The following RAP1GAP2 variants were observed in gnomAD, a reference collection of about 807,000 sequenced individuals.
The protein encoded by RAP1GAP2 is RAP1 GTPase activating protein 2, also known as rap1 GTPase-activating protein 2.
In RAP1GAP2, 27 loss-of-function variants were observed where a neutral mutation model predicts 95.0. That is an observed-to-expected ratio of 0.28 (90% CI 0.21 to 0.39). The LOEUF (loss-of-function observed/expected upper bound fraction) is 0.39. Ranked by LOEUF, RAP1GAP2 falls within the 10% of genes least tolerant of loss-of-function variation. RAP1GAP2 has a pLI of 1.00. For missense variants in RAP1GAP2, 771 were observed against 970.0 expected (o/e 0.79, Z 2.72); for synonymous variants, 373 against 380.9 (o/e 0.98, Z 0.24).
chr17:3,009,087 C>T (rs975089837), intron 17 of RAP1GAP2, among the ~76,000 whole-genome samples: 2 of 152,106 alleles, frequency 1.3e-5, no homozygotes, highest in African/African-American at 4.8e-5. Context: ...TAGGGCTACA[C>T]CCACCTCTAT....
Position 2,867,809 on chromosome 17 carries a change from T to G in RAP1GAP2, c.81-37475T>G, listed in dbSNP as rs2072676483. 6.6e-6 allele frequency among the ~76,000 whole-genome samples: 1 copy of G among 152,122 alleles called. No individual in the cohort carries two copies. The highest frequency in any genetic ancestry group is 2.4e-5 in the African/African-American group (1 of 41,422). On this transcript the variant is annotated intron_variant, in intron 2 of 24. Transcript: ENST00000254695. The surrounding 1 kb of genome is among the most constrained non-coding windows in gnomAD (Gnocchi z 4.5). The stretch of plus-strand genomic sequence containing the variant: ...GCCCTAGTGGCTTAGTTGATGCTGA[T>G]CTTGGCACGGTCTTGTCAACTTGGC...
chr17:2,893,473 G>T (rs1056835579), intron 2 of RAP1GAP2, among the ~76,000 whole-genome samples: 3 of 152,234 alleles, frequency 2.0e-5, no homozygotes, highest in Admixed American at 2.0e-4. Context: ...GGAAGTGAGG[G>T]TACATAGTTA....
chr17:2,977,185 G>C, intron 8 of RAP1GAP2, among the ~76,000 whole-genome samples: 1 of 151,764 alleles, frequency 6.6e-6, no homozygotes, highest in Non-Finnish European at 1.5e-5. Flanking sequence ...CAGTAAAGGT[G>C]AGGACGCAGT....
At chr17:2,769,642 T>C (rs974209619) in intron 1 of RAP1GAP2, among the ~76,000 whole-genome samples, 2 of 152,166 alleles carry the variant, frequency 1.3e-5, no homozygotes, top group African/African-American at 2.4e-5. Context: ...CTTAGCCCTG[T>C]AAAGGGGCTT....
upstream of RAP1GAP2, among the ~76,000 whole-genome samples, chr17:2,773,054 C>T (rs2068429027): frequency 6.6e-6 from 1 of 151,978 alleles, no homozygotes; most frequent in Admixed American, 6.6e-5. Flanking sequence ...TACAGGGTTT[C>T]ACTATGTTGG....
intron 19 of RAP1GAP2, among the ~76,000 whole-genome samples, chr17:3,024,203 A>G (rs1007834561): frequency 6.6e-6 from 1 of 152,058 alleles, no homozygotes; most frequent in Non-Finnish European, 1.5e-5. Flanking sequence ...GGAGGAGGGG[A>G]TGGAGTCTCT....
chr17:2,957,053 G>A (rs553593123), intron 3 of RAP1GAP2, among the ~76,000 whole-genome samples: 10 of 151,832 alleles, frequency 6.6e-5, no homozygotes, highest in African/African-American at 2.2e-4. Flanking sequence ...GCGTGAACCC[G>A]GGAGGCGGAG....
At position 2,885,028 on chromosome 17, in the gene RAP1GAP2, C is replaced by CTTTTTTTTTTTTTTT. The variant is rs891984333; in HGVS notation, c.81-20247_81-20233dup. ...ATAGGCACATTTCTTTTATTTCTTT[C>CTTTTTTTTTTTTTTT]TTTTTTTTTTTTTTTTTTTTTTTGA... On this transcript the variant is annotated intron_variant, in intron 2 of 24. Coordinates refer to ENST00000254695, the MANE Select transcript of RAP1GAP2 (RefSeq NM_015085.5). Among the ~76,000 whole-genome samples the CTTTTTTTTTTTTTTT allele has an allele frequency of 1.6e-4, 18 of 112,508 alleles. 1 individual carries two copies. Among genetic ancestry groups the CTTTTTTTTTTTTTTT allele is most frequent in the African/African-American group, 2.9e-4 (8 of 27,562 alleles). 73.8% of individuals were successfully genotyped at this position (112,508 alleles called of 152,430 possible). A position where few individuals can be genotyped will look rare whatever the true frequency, so the allele number is the denominator to read the frequency against.
At chr17:2,892,731 A>G (rs1048673157) in intron 2 of RAP1GAP2, among the ~76,000 whole-genome samples, 4 of 151,972 alleles carry the variant, frequency 2.6e-5, no homozygotes, top group African/African-American at 9.7e-5. Flanking sequence ...CTGTCCTGTG[A>G]CTCATTCCTG....
intron 10 of RAP1GAP2, among the ~76,000 whole-genome samples, chr17:2,984,492 A>G (rs1321555054): frequency 6.6e-6 from 1 of 152,186 alleles, no homozygotes; most frequent in Non-Finnish European, 1.5e-5. Flanking sequence ...GTATTAGGGT[A>G]TGTTCCTCCT....
At chr17:2,847,419 C>A (rs1484021403) in intron 2 of RAP1GAP2, among the ~76,000 whole-genome samples, 1 of 130,204 alleles carries the variant, frequency 7.7e-6, no homozygotes, top group African/African-American at 2.5e-5. Flanking sequence ...AGTCTTGCTA[C>A]CCAAAGCCCT....
intron 1 of RAP1GAP2, among the ~76,000 whole-genome samples, chr17:2,758,243 T>G (rs1380928866): frequency 1.3e-4 from 19 of 143,560 alleles, no homozygotes. Context: ...TGGTGTGATC[T>G]TGGCTTACTG....
intron 2 of RAP1GAP2, among the ~76,000 whole-genome samples, chr17:2,863,704 A>G (rs2072504332): frequency 6.6e-6 from 1 of 152,126 alleles, no homozygotes; most frequent in Admixed American, 6.5e-5. Context: ...AGAACCCCAT[A>G]AGGGAGGCAT....
intron 8 of RAP1GAP2, among the ~76,000 whole-genome samples, chr17:2,969,806 A>T (rs909355990): frequency 6.6e-6 from 1 of 151,640 alleles, no homozygotes; most frequent in Non-Finnish European, 1.5e-5. Flanking sequence ...GTCTGGCCTA[A>T]ATATATATAT....
chr17:2,797,183 G>T lies in RAP1GAP2; in HGVS notation c.44+612G>T, dbSNP rs1193995129. ...TCTTGGGGGTGGGTTGTGAGAGAAG[G>T]TCTCCCACCTGCACCCCAGGCAGCC... is the stretch of plus-strand genomic sequence containing the variant. On this transcript the variant is annotated intron_variant, in intron 1 of 24. Transcript: ENST00000254695. This position sits in a 1 kb window ranked among gnomAD's most constrained non-coding sequence, Gnocchi z 5.6. 6.6e-6 allele frequency among the ~76,000 whole-genome samples: 1 copy of T among 152,090 alleles called. No individual in the cohort carries two copies. The highest frequency in any genetic ancestry group is 1.9e-4 in the East Asian group (1 of 5,178).
Position 2,784,013 on chromosome 17 carries a change from C to A in RAP1GAP2, c.-14+6735C>A, listed in dbSNP as rs913270471. Among the ~76,000 whole-genome samples the A allele has an allele frequency of 1.3e-5, 2 of 152,150 alleles. 1 individual carries two copies. The highest frequency in any genetic ancestry group is 4.1e-4 in the South Asian group (2 of 4,830). On this transcript the variant is annotated intron_variant, in intron 1 of 24. Coordinates refer to the RAP1GAP2 transcript ENST00000540393. ...ATTGAGATGGAGTCTTGCTCTGTTG[C>A]CCAGGGTGGAATGCAGTGGCGCAAT... is the stretch of plus-strand genomic sequence containing the variant.
intron 8 of RAP1GAP2, among the ~76,000 whole-genome samples, chr17:2,978,347 C>T (rs1406374493): frequency 6.6e-6 from 1 of 152,082 alleles, no homozygotes; most frequent in Non-Finnish European, 1.5e-5. Flanking sequence ...GTGGCTTGAA[C>T]ACAGGCGGTG....
intron 2 of RAP1GAP2, among the ~76,000 whole-genome samples, chr17:2,809,548 C>T (rs1312344625): frequency 6.6e-6 from 1 of 152,202 alleles, no homozygotes; most frequent in Non-Finnish European, 1.5e-5. Context: ...TCATGAACCC[C>T]CAGGCCTCTG....
chr17:2,922,826 G>GTTTTTT (rs138075669), intron 3 of RAP1GAP2, among the ~76,000 whole-genome samples: 5 of 93,726 alleles, frequency 5.3e-5, no homozygotes, highest in African/African-American at 1.3e-4. Flanking sequence ...TTTTCTTTTT[G>GTTTTTT]TTTTTGTTTT....
Sources: gnomAD v4.1 joint callset for allele counts (sites outside exome capture counted in the v4.1 genomes callset) on GRCh38, gnomAD v4.1.1 for gene constraint, Gnocchi (gnomAD v3.1) non-coding constraint, MANE v1.5 for transcripts, NCBI Gene and HGNC (gene_info 2026-07-23, HGNC 2026-07-21) for gene names.